RPS24: variants seen among roughly 807,000 people sequenced by gnomAD.
The protein encoded by RPS24 is small ribosomal subunit protein eS24.
For synonymous variants in RPS24, 72 were observed against 55.6 expected (o/e 1.30, Z -1.31); for missense variants, 100 against 162.5 (o/e 0.62, Z 2.09).
At chr10:78,054,694 G>T (rs986487508) in exon 5 of RPS24, 3 of 1,551,602 alleles carry the variant, frequency 1.9e-6, no homozygotes, top group Admixed American at 3.9e-5. Flanking sequence ...TTGCGGAGGG[G>T]CTGTGGCAAG....
chr10:78,034,550 T>A (rs143208707), intron 1 of RPS24: 26 of 153,852 alleles, frequency 1.7e-4, no homozygotes, highest in African/African-American at 6.3e-4. Context: ...TGACGTGGAT[T>A]TAATTTGGTG....
At chr10:78,035,869 AG>A (rs1847854964) in intron 3 of RPS24, 149 bp downstream of exon 3, 1 of 742,252 alleles carries the variant, frequency 1.3e-6, no homozygotes, top group East Asian at 2.6e-5. Flanking sequence ...TAAAATGCAC[AG>A]GTGGAGTACG....
intron 4 of RPS24, among the ~76,000 whole-genome samples, chr10:78,054,030 G>T (rs761787834): frequency 2.0e-5 from 3 of 152,128 alleles, no homozygotes; most frequent in South Asian, 2.1e-4. Context: ...TCCTAGTCAC[G>T]TGGTGTGGGT....
intron 4 of RPS24, chr10:78,039,539 G>GT (rs1247082538): frequency 6.6e-6 from 1 of 152,658 alleles, no homozygotes; most frequent in African/African-American, 2.4e-5. Context: ...TTTTAATTCA[G>GT]TTTTGTTTAG....
chr10:78,034,265 G>C (rs376716607), intron 1 of RPS24: 16 of 429,350 alleles, frequency 3.7e-5, no homozygotes, highest in African/African-American at 3.0e-4. Context: ...GCTTGCAGGT[G>C]ATGGCAGTAC....
At chr10:78,041,772 A>C (rs1384205824), downstream of RPS24, among the ~76,000 whole-genome samples, 1 of 152,150 alleles carries the variant, frequency 6.6e-6, no homozygotes, top group Non-Finnish European at 1.5e-5. Flanking sequence ...GGTGGTTGCT[A>C]AGTTGATGCA....
chr10:78,039,947 T>G, intron 4 of RPS24: 2 of 562,868 alleles, frequency 3.6e-6, no homozygotes, highest in South Asian at 3.8e-5. Flanking sequence ...TAATGATCTC[T>G]TCATTGTGAA....
In RPS24 at chr10:78,035,427, G is replaced by A. The variant is rs767375848; in HGVS notation, c.69+10G>A. On this transcript the variant is annotated intron_variant, in intron 2 of 5. Coordinates refer to ENST00000372360, the MANE Select transcript of RPS24 (RefSeq NM_033022.4). ...TCAGAGGAAACAAATGGTAAGGAAGGGCACATCAATCTTTGCTTAATTGTC... is the reference window on the plus strand; with the variant it reads ...TCAGAGGAAACAAATGGTAAGGAAGAGCACATCAATCTTTGCTTAATTGTC... The A allele has an allele frequency of 9.3e-6, 15 of 1,613,724 alleles. No individual in the cohort carries two copies. In the East Asian group the frequency reaches 2.7e-4, roughly 29 times the overall value.
intron 4 of RPS24, among the ~76,000 whole-genome samples, chr10:78,053,186 C>CAAAAAA (rs57899265): frequency 1.4e-5 from 2 of 140,990 alleles, no homozygotes; most frequent in Admixed American, 7.1e-5. Flanking sequence ...ACAACAACAA[C>CAAAAAA]AAAAAAAAAA....
In RPS24 at chr10:78,040,359, T is replaced by C. The variant is rs1456354123; in HGVS notation, c.*19+134T>C. 7 of 814,390 alleles carry C rather than the reference T, an allele frequency of 8.6e-6. No individual in the cohort carries two copies. In the African/African-American group the frequency reaches 1.0e-4, roughly 12 times the overall value. The allele number at this position is 814,390 out of a possible 1,614,324, so 50.4% of individuals were successfully genotyped here. ...AAATATTCTGAAGAGTTGTAACCTTTTAAAATACTAACAGTGACATGGTTT... is the reference window on the plus strand; with the variant it reads ...AAATATTCTGAAGAGTTGTAACCTTCTAAAATACTAACAGTGACATGGTTT... On this transcript the variant is annotated intron_variant, in intron 5 of 5. Transcript: ENST00000372360.
chr10:78,034,087 C>T lies in RPS24; in HGVS notation c.3+183C>T, dbSNP rs1198945662. On this transcript the variant is annotated intron_variant, in intron 1 of 5. Transcript: ENST00000372360. ...AGGGCGTCCGGGCTGGCGGGCTGCGCTGTAGACCCGGACACGCTGGGCTTC... is the reference window on the plus strand; with the variant it reads ...AGGGCGTCCGGGCTGGCGGGCTGCGTTGTAGACCCGGACACGCTGGGCTTC... 6.0e-6 allele frequency: 4 copies of T among 664,892 alleles called. No individual in the cohort carries two copies. In the Admixed American group the frequency reaches 8.8e-5, roughly 15 times the overall value. The allele number at this position is 664,892 out of a possible 1,614,324, so 41.2% of individuals were successfully genotyped here. A position where few individuals can be genotyped will look rare whatever the true frequency, so the allele number is the denominator to read the frequency against.
chr10:78,041,579 C>T (rs181098340), downstream of RPS24, among the ~76,000 whole-genome samples: 1 of 152,236 alleles, frequency 6.6e-6, no homozygotes, highest in African/African-American at 2.4e-5. Context: ...CAGTGCATAC[C>T]AGGCTGAAGG....
chr10:78,045,238 C>T (rs564489489), downstream of RPS24, among the ~76,000 whole-genome samples: 44 of 152,158 alleles, frequency 2.9e-4, no homozygotes, highest in Admixed American at 1.2e-3. Flanking sequence ...TCTGCCCACC[C>T]CGCCTCCCAA....
At chr10:78,050,354 C>G (rs1428529304) in intron 4 of RPS24, among the ~76,000 whole-genome samples, 7 of 152,198 alleles carry the variant, frequency 4.6e-5, no homozygotes, top group Admixed American at 4.6e-4. Flanking sequence ...TTACCTGGGG[C>G]TGAGGAGCAC....
chr10:78,054,804 A>G (rs1322181211), exon 5 of RPS24: 3 of 1,551,548 alleles, frequency 1.9e-6, no homozygotes, highest in Middle Eastern at 3.3e-4. Flanking sequence ...CGGAGCCTTC[A>G]TGTCGCCTGC....
intron 4 of RPS24, 177 bp downstream of exon 4, chr10:78,037,481 C>T: frequency 1.9e-6 from 2 of 1,067,930 alleles, no homozygotes; most frequent in Non-Finnish European, 2.6e-6. Flanking sequence ...AGTGTCTTAA[C>T]ACCTCAGTAA....
downstream of RPS24, among the ~76,000 whole-genome samples, chr10:78,043,429 C>CT (rs1848008351): frequency 6.6e-6 from 1 of 152,210 alleles, no homozygotes; most frequent in South Asian, 2.1e-4. Flanking sequence ...ATGCAGTCAT[C>CT]TGACTCCAAA....
exon 5 of RPS24, chr10:78,054,723 A>G (rs1848133646): frequency 6.4e-7 from 1 of 1,551,564 alleles, no homozygotes; most frequent in South Asian, 1.2e-5. Flanking sequence ...GGTGGCCGTT[A>G]CCTGGAGGAA....
chr10:78,038,117 GCAAAAGTAATTGCAGTGGCAAAAACCA>G, intron 4 of RPS24: 2 of 420,026 alleles, frequency 4.8e-6, no homozygotes, highest in Non-Finnish European at 8.2e-6. Flanking sequence ...TTAGGCTGGT[GCAAAAGTAATTGCAGTGGCAAAAACCA>G]CAATTACTTT....
Sources: gnomAD v4.1 joint callset for allele counts (sites outside exome capture counted in the v4.1 genomes callset) on GRCh38, gnomAD v4.1.1 for gene constraint, MANE v1.5 for transcripts, NCBI Gene and HGNC (gene_info 2026-07-23, HGNC 2026-07-21) for gene names.